Variants in RBFOX1 observed in about 807,000 individuals in gnomAD.
RBFOX1 encodes RNA binding fox-1 homolog 1.
A neutral mutation model predicts 57.7 loss-of-function variants in RBFOX1; 8 were observed. The observed-to-expected ratio is 0.14, with a 90% CI of 0.08 to 0.25. The LOEUF (loss-of-function observed/expected upper bound fraction) is 0.25. Among genes scored for constraint, RBFOX1 ranks in the 10% least tolerant of loss-of-function variants. The pLI is 1.00. For synonymous variants in RBFOX1, 326 were observed against 222.4 expected (o/e 1.47, Z -4.15); for missense variants, 611 against 548.5 (o/e 1.11, Z -1.14).
At chr16:5,989,696 G>A (rs543379771) in intron 4 of RBFOX1, among the ~76,000 whole-genome samples, 1 of 151,936 alleles carries the variant, frequency 6.6e-6, no homozygotes. Context: ...TTCTCTGGGG[G>A]TGGGGAAGAT....
At chr16:7,047,847 C>T (rs973841514) in intron 3 of RBFOX1, among the ~76,000 whole-genome samples, 2 of 149,676 alleles carry the variant, frequency 1.3e-5, no homozygotes, top group African/African-American at 2.5e-5. Flanking sequence ...TGTTTGGACA[C>T]CTTCAGTGAG....
chr16:5,641,750 A>T (rs1385730482), intron 3 of RBFOX1, among the ~76,000 whole-genome samples: 13 of 152,182 alleles, frequency 8.5e-5, no homozygotes, highest in Admixed American at 7.9e-4. Context: ...GAATAAAGGC[A>T]GGGGGTCAGT....
At chr16:7,003,208 C>T (rs915045016) in intron 3 of RBFOX1, among the ~76,000 whole-genome samples, 4 of 152,052 alleles carry the variant, frequency 2.6e-5, no homozygotes, top group East Asian at 1.9e-4. Context: ...CGCCTGTAAT[C>T]CCAGCACTTT....
At chr16:6,889,623 C>T (rs1055698885) in intron 3 of RBFOX1, among the ~76,000 whole-genome samples, 1 of 152,154 alleles carries the variant, frequency 6.6e-6, no homozygotes, top group East Asian at 1.9e-4. Context: ...GGAAGAGTGC[C>T]AATCCATATC....
chr16:6,450,837 G>C (rs370774298), intron 2 of RBFOX1, among the ~76,000 whole-genome samples: 1 of 21,732 alleles, frequency 4.6e-5, no homozygotes, highest in African/African-American at 1.8e-4. Flanking sequence ...ATATATATAT[G>C]TGTATATATA....
intron 10 of RBFOX1, chr16:7,614,391 C>T (rs897554684): frequency 6.6e-6 from 1 of 151,982 alleles, no homozygotes; most frequent in Non-Finnish European, 1.5e-5. Flanking sequence ...CCAGCCCTGC[C>T]CATATTTGGC....
intron 4 of RBFOX1, among the ~76,000 whole-genome samples, chr16:7,415,676 C>G (rs1034024430): frequency 1.2e-4 from 18 of 152,114 alleles, no homozygotes; most frequent in African/African-American, 1.9e-4. Context: ...CACCCTCTAC[C>G]AAGAAGCACT....
intron 1 of RBFOX1, among the ~76,000 whole-genome samples, chr16:6,247,006 G>C (rs2097572959): frequency 6.6e-6 from 1 of 152,126 alleles, no homozygotes; most frequent in Non-Finnish European, 1.5e-5. Context: ...GGAAGTAGAG[G>C]TTGTGGTGAG....
intron 3 of RBFOX1, among the ~76,000 whole-genome samples, chr16:6,824,737 C>A (rs2091876225): frequency 6.6e-6 from 1 of 151,766 alleles, no homozygotes; most frequent in South Asian, 2.1e-4. Context: ...TTGAAAAAGT[C>A]CAAAAGCTTT....
At chr16:7,577,437 A>G (rs1194619628) in intron 5 of RBFOX1, among the ~76,000 whole-genome samples, 1 of 152,174 alleles carries the variant, frequency 6.6e-6, no homozygotes, top group Non-Finnish European at 1.5e-5. Context: ...ACATCTGCAC[A>G]TGCACTGCCC....
At chr16:6,537,826 C>T (rs192076006) in intron 2 of RBFOX1, among the ~76,000 whole-genome samples, 4 of 151,944 alleles carry the variant, frequency 2.6e-5, no homozygotes, top group Non-Finnish European at 5.9e-5. Context: ...ACATATCCAG[C>T]AGGAGTGATT....
intron 2 of RBFOX1, among the ~76,000 whole-genome samples, chr16:6,458,122 T>G (rs1382039803): frequency 6.6e-6 from 1 of 152,002 alleles, no homozygotes; most frequent in Non-Finnish European, 1.5e-5. Context: ...GAACAGAAAA[T>G]TTTGCAATTG....
rs1844988 is a variant in RBFOX1 at position 6,880,798 on chromosome 16, A to T, written c.-15-171259A>T. 7.4e-4 allele frequency among the ~76,000 whole-genome samples: 110 copies of T among 148,520 alleles called. 1 individual carries two copies. Among genetic ancestry groups the T allele is most frequent in the Admixed American group, 1.5e-3 (23 of 15,094 alleles). On this transcript the variant is annotated intron_variant, in intron 3 of 15. Coordinates refer to ENST00000550418, the MANE Select transcript of RBFOX1 (RefSeq NM_018723.4). ...TTATATTTTTATTACAGTATTTCTT[A>T]TATTATTGAAAGAATAAATCAATAT... is the stretch of plus-strand genomic sequence containing the variant.
At chr16:6,730,765 T>G (rs2154173429) in intron 3 of RBFOX1, among the ~76,000 whole-genome samples, 1 of 152,310 alleles carries the variant, frequency 6.6e-6, no homozygotes, top group Non-Finnish European at 1.5e-5. Flanking sequence ...GGGTTAGGAA[T>G]TCTAGAGTTG....
At chr16:6,863,767 C>A (rs1193655277) in intron 3 of RBFOX1, among the ~76,000 whole-genome samples, 5 of 80,516 alleles carry the variant, frequency 6.2e-5, no homozygotes, top group Admixed American at 2.8e-4. Flanking sequence ...AAACCAAATA[C>A]AACCTTACAG....
At chr16:7,120,909 T>C (rs1329475095) in intron 4 of RBFOX1, among the ~76,000 whole-genome samples, 2 of 145,100 alleles carry the variant, frequency 1.4e-5, no homozygotes, top group African/African-American at 2.5e-5. Context: ...AATAATAACA[T>C]AGCATGACCA....
intron 2 of RBFOX1, among the ~76,000 whole-genome samples, chr16:5,486,521 A>T (rs780583923): frequency 2.6e-5 from 4 of 152,188 alleles, no homozygotes; most frequent in Non-Finnish European, 5.9e-5. Context: ...AGGTCTGTGC[A>T]GTGACAACAG....
chr16:7,199,025 C>A (rs2087556792), intron 4 of RBFOX1, among the ~76,000 whole-genome samples: 1 of 152,164 alleles, frequency 6.6e-6, no homozygotes, highest in Non-Finnish European at 1.5e-5. Flanking sequence ...AGCACCAGGA[C>A]TGAGTTTCAG....
At chr16:7,061,666 C>A (rs1226887350) in intron 4 of RBFOX1, among the ~76,000 whole-genome samples, 1 of 152,182 alleles carries the variant, frequency 6.6e-6, no homozygotes, top group Non-Finnish European at 1.5e-5. Context: ...CCTCATGCCC[C>A]TTTCCAGGGA....
Sources: allele counts gnomAD v4.1 joint callset (sites outside exome capture counted in the v4.1 genomes callset), GRCh38; gene constraint gnomAD v4.1.1; transcripts MANE v1.5; gene names NCBI Gene and HGNC (gene_info 2026-07-23, HGNC 2026-07-21).